CACNG3: variants seen among roughly 807,000 people sequenced by gnomAD.
CACNG3 encodes the protein voltage-dependent calcium channel gamma-3 subunit.
A neutral mutation model predicts 28.5 loss-of-function variants in CACNG3; 3 were observed. The observed-to-expected ratio is 0.11, with a 90% CI of 0.05 to 0.27. The LOEUF (loss-of-function observed/expected upper bound fraction) is 0.27. Ranked by LOEUF, CACNG3 falls within the 10% of genes least tolerant of loss-of-function variation. The pLI is 1.00. For missense variants in CACNG3, 236 were observed against 414.4 expected (o/e 0.57, Z 3.74); for synonymous variants, 174 against 162.2 (o/e 1.07, Z -0.55).
At chr16:24,341,118 A>G (rs1466967131) in intron 1 of CACNG3, among the ~76,000 whole-genome samples, 1 of 152,280 alleles carries the variant, frequency 6.6e-6, no homozygotes, top group African/African-American at 2.4e-5. Context: ...AGAAAATATA[A>G]GTGAGAAGAA....
chr16:24,305,516 A>T (rs917663678), intron 1 of CACNG3, among the ~76,000 whole-genome samples: 5 of 151,930 alleles, frequency 3.3e-5, no homozygotes, highest in Non-Finnish European at 7.4e-5. Flanking sequence ...ATATTTTTTT[A>T]AATTATTTTA....
chr16:24,267,030 G>A (rs1192438224), intron 1 of CACNG3, among the ~76,000 whole-genome samples: 1 of 149,410 alleles, frequency 6.7e-6, no homozygotes, highest in Non-Finnish European at 1.5e-5. Context: ...GCGGTGGCAC[G>A]ATCTCGGCTT....
At chr16:24,257,047 A>G in intron 1 of CACNG3, 82 bp downstream of exon 1, 3 of 878,570 alleles carry the variant, frequency 3.4e-6, no homozygotes, top group Non-Finnish European at 5.6e-6. Flanking sequence ...GGAAATGGTG[A>G]TAAGGAAAGA....
chr16:24,293,006 C>A (rs1898984889), intron 1 of CACNG3, among the ~76,000 whole-genome samples: 1 of 152,206 alleles, frequency 6.6e-6, no homozygotes, highest in Non-Finnish European at 1.5e-5. Flanking sequence ...TTTATCCAAT[C>A]ACTTGAGTCC....
rs542809302 is a variant in CACNG3 at position 24,289,323 on chromosome 16, G to GA, written c.211+32366dup. Among the ~76,000 whole-genome samples, 6 of 150,294 alleles carry GA rather than the reference G, an allele frequency of 4.0e-5. No homozygotes were observed. In the East Asian group the frequency reaches 7.8e-4, roughly 20 times the overall value. On this transcript the variant is annotated intron_variant, in intron 1 of 3. Coordinates refer to ENST00000005284, the MANE Select transcript of CACNG3 (RefSeq NM_006539.4). Reference sequence around the variant, plus strand: ...GCAAAAGAAAAAAAAAAAAGAAAAAGAAAAAAAATCCCTTCAGATTGTTAT... The same window carrying GA: ...GCAAAAGAAAAAAAAAAAAGAAAAAGAAAAAAAAATCCCTTCAGATTGTTAT...
intron 3 of CACNG3, among the ~76,000 whole-genome samples, chr16:24,358,436 T>A (rs576540395): frequency 1.8e-4 from 28 of 152,356 alleles, no homozygotes; most frequent in Admixed American, 7.2e-4. Flanking sequence ...ATTGATAAAG[T>A]GCCCAGAGTG....
At chr16:24,306,210 T>G (rs1899183703) in intron 1 of CACNG3, among the ~76,000 whole-genome samples, 1 of 152,242 alleles carries the variant, frequency 6.6e-6, no homozygotes, top group Admixed American at 6.5e-5. Flanking sequence ...GTGTGGTCAC[T>G]GCCTTTGGAT....
intron 1 of CACNG3, among the ~76,000 whole-genome samples, chr16:24,321,139 G>T (rs972630451): frequency 6.6e-6 from 1 of 152,150 alleles, no homozygotes; most frequent in African/African-American, 2.4e-5. Context: ...CCACACTGTA[G>T]ATGCTAACCA....
rs28617318 is a variant in CACNG3, at chr16:24,316,293, C to T, written c.212-30441C>T. On this transcript the variant is annotated intron_variant, in intron 1 of 3. Transcript: ENST00000005284. ...TCTTCCAATCCCTGGCAGCAGCCCTCCCCATTGTCGGAGCTATGCCATCCC... is the reference window on the plus strand; with the variant it reads ...TCTTCCAATCCCTGGCAGCAGCCCTTCCCATTGTCGGAGCTATGCCATCCC... Among the ~76,000 whole-genome samples, 1,211 of 122,968 alleles carry T rather than the reference C, an allele frequency of 9.8e-3. 19 individuals carry two copies. Among genetic ancestry groups the T allele is most frequent in the African/African-American group, 0.03 (1,155 of 37,884 alleles). The allele number at this position is 122,968 out of a possible 152,430, so 80.7% of individuals were successfully genotyped here.
chr16:24,356,626 C>T (rs564076894), intron 3 of CACNG3, among the ~76,000 whole-genome samples: 4 of 152,026 alleles, frequency 2.6e-5, no homozygotes, highest in South Asian at 2.1e-4. Flanking sequence ...TGCTAGAGCC[C>T]GGGAGGTCAA....
chr16:24,265,547 G>GGT (rs1182608569), intron 1 of CACNG3, among the ~76,000 whole-genome samples: 7 of 151,998 alleles, frequency 4.6e-5, no homozygotes, highest in Admixed American at 3.3e-4. Flanking sequence ...CTCACTCAGT[G>GGT]GTGTATATAT....
intron 1 of CACNG3, among the ~76,000 whole-genome samples, chr16:24,314,769 T>TCCTCCC (rs1899325087): frequency 7.6e-6 from 1 of 131,380 alleles, no homozygotes. Context: ...CTCCTCCTCC[T>TCCTCCC]CCAACCTCCA....
rs1426146208 is a variant in CACNG3 at position 24,361,821 on chromosome 16, A to C, written c.906A>C (p.Ser302=). ...HNSTPKEFKE[S]LHNNPANRRT... ...CCACACCCAAAGAGTTCAAAGAGTC[A>C]CTGCATAATAATCCGGCCAACAGGC... is the stretch of plus-strand genomic sequence containing the variant. The change falls in exon 4 of 4, where the codon TCA becomes TCC. Residue 302 remains serine (S), a synonymous_variant. Coordinates refer to ENST00000005284, the MANE Select transcript of CACNG3 (RefSeq NM_006539.4). The surrounding 1 kb of genome is among the most constrained non-coding windows in gnomAD (Gnocchi z 6.8). 1.2e-6 allele frequency: 2 copies of C among 1,613,230 alleles called. No homozygotes were observed. Among genetic ancestry groups the C allele is most frequent in the East Asian group, 2.2e-5 (1 of 44,874 alleles).
Position 24,305,569 on chromosome 16 carries a change from G to A in CACNG3, c.212-41165G>A, listed in dbSNP as rs532200176. Among the ~76,000 whole-genome samples the A allele has an allele frequency of 5.9e-5, 9 of 151,940 alleles. No homozygotes were observed. In the East Asian group the frequency reaches 1.4e-3, roughly 23 times the overall value. On this transcript the variant is annotated intron_variant, in intron 1 of 3. Transcript: ENST00000005284. ...CTAACATAGGAACAGAAAACCAAAC[G>A]TTCACTCATAAGTGGGAGCTGAACA...
intron 1 of CACNG3, among the ~76,000 whole-genome samples, chr16:24,302,640 G>GT (rs1439740908): frequency 1.7e-5 from 1 of 58,164 alleles, no homozygotes; most frequent in African/African-American, 2.0e-4. Flanking sequence ...GTTTGTTTTT[G>GT]TTTTGTTTTG....
chr16:24,355,512 C>T (rs542356286), intron 3 of CACNG3, among the ~76,000 whole-genome samples: 6 of 152,200 alleles, frequency 3.9e-5, no homozygotes, highest in East Asian at 3.9e-4. Flanking sequence ...GAGCCCAGGA[C>T]GTCAAGGCTG....
chr16:24,315,588 T>G (rs1326257142), intron 1 of CACNG3, among the ~76,000 whole-genome samples: 1 of 151,560 alleles, frequency 6.6e-6, no homozygotes, highest in Non-Finnish European at 1.5e-5. Flanking sequence ...TTCTCTTTCT[T>G]TATCTCTTTC....
chr16:24,355,040 A>C, intron 3 of CACNG3, 67 bp downstream of exon 3: 1 of 1,492,216 alleles, frequency 6.7e-7, no homozygotes. Flanking sequence ...CACATGGAGG[A>C]AGCAATGCTA....
At chr16:24,356,881 G>A (rs1199631633) in intron 3 of CACNG3, among the ~76,000 whole-genome samples, 1 of 152,134 alleles carries the variant, frequency 6.6e-6, no homozygotes, top group African/African-American at 2.4e-5. Context: ...CAACAATGGT[G>A]GAAGGCGAAG....
Sources: gnomAD v4.1 joint callset for allele counts (sites outside exome capture counted in the v4.1 genomes callset) on GRCh38, gnomAD v4.1.1 for gene constraint, Gnocchi (gnomAD v3.1) non-coding constraint, MANE v1.5 for transcripts, NCBI Gene and HGNC (gene_info 2026-07-23, HGNC 2026-07-21) for gene names.